The following CSF2RA variants were observed in gnomAD, a reference collection of about 807,000 sequenced individuals.
The protein encoded by CSF2RA is granulocyte-macrophage colony-stimulating factor receptor subunit alpha.
CSF2RA carries 42 observed loss-of-function variants against 51.6 expected under a neutral mutation model. The observed-to-expected ratio is 0.81, with a 90% CI of 0.64 to 1.05. The LOEUF (loss-of-function observed/expected upper bound fraction) is 1.05. Among genes scored for constraint, CSF2RA ranks in the 50% least tolerant of loss-of-function variants. The pLI, the probability that CSF2RA is intolerant of heterozygous loss-of-function variation, is 0.00. For synonymous variants in CSF2RA, 222 were observed against 193.0 expected, an observed-to-expected ratio of 1.15 and a Z score of -1.24; for missense variants, 530 against 501.1, an observed-to-expected ratio of 1.06 and a Z score of -0.55.
In CSF2RA at chrX:1,307,429, C is replaced by A. The variant is rs1177154131; in HGVS notation, c.1125+1902C>A. Among the ~76,000 whole-genome samples the A allele has an allele frequency of 3.9e-3, 572 of 147,318 alleles. 10 individuals carry two copies. Among genetic ancestry groups the A allele is most frequent in the African/African-American group, 0.014 (533 of 37,980 alleles). ...GACTGATCAGATGAAGCCCACCCTT[C>A]CCCTTTAGACCTTCAGCTTATTAGA... is the stretch of plus-strand genomic sequence containing the variant. On this transcript the variant is annotated intron_variant, in intron 12 of 12. Transcript: ENST00000381529.
chrX:1,306,067 G>A (rs1479922966), intron 12 of CSF2RA: 2 of 398,018 alleles, frequency 5.0e-6, no homozygotes, highest in African/African-American at 2.0e-5. Flanking sequence ...GGGTGACAGA[G>A]CGAGACTCCA....
At chrX:1,321,260 G>C in the CSF2RA span, among the ~76,000 whole-genome samples, 1 of 151,968 alleles carries the variant, frequency 6.6e-6, no homozygotes, top group Non-Finnish European at 1.5e-5. Context: ...ACGAGGTCAG[G>C]AGATCGAGAC....
intron 1 of CSF2RA, among the ~76,000 whole-genome samples, chrX:1,272,097 G>A (rs28504194): frequency 0.27 from 40,250 of 151,296 alleles, 6,418 homozygotes; most frequent in African/African-American, 0.46. Context: ...GGGATTACAG[G>A]CGTGTGCTAC....
In CSF2RA at chrX:1,294,312, T is replaced by C. The variant is rs1371517239; in HGVS notation, c.647-16T>C. On this transcript the variant is annotated splice_polypyrimidine_tract_variant and intron_variant, in intron 7 of 12. Transcript: ENST00000381529. ...ACCTCTCGGGTTCAGGGGTGTGTCCTGCGCCCTCGTTACAGAACGATTCAA... is the reference window on the plus strand; with the variant it reads ...ACCTCTCGGGTTCAGGGGTGTGTCCCGCGCCCTCGTTACAGAACGATTCAA... 6.2e-7 allele frequency: 1 copy of C among 1,612,682 alleles called. No individual in the cohort carries two copies. The highest frequency in any genetic ancestry group is 1.7e-5 in the Admixed American group (1 of 59,984).
intron 7 of CSF2RA, among the ~76,000 whole-genome samples, chrX:1,293,490 A>T (rs1436978499): frequency 6.6e-6 from 1 of 152,070 alleles, no homozygotes; most frequent in Non-Finnish European, 1.5e-5. Context: ...AAGTGCTGGG[A>T]TTACAGGCGT....
intron 11 of CSF2RA, 99 bp downstream of exon 11, chrX:1,304,118 C>G: frequency 1.8e-6 from 2 of 1,129,458 alleles, no homozygotes; most frequent in Non-Finnish European, 2.7e-6. Flanking sequence ...GAAAGAGAAA[C>G]ACAGCCTTGG....
chrX:1,293,375 C>T (rs74375166), intron 7 of CSF2RA, among the ~76,000 whole-genome samples: 16 of 151,622 alleles, frequency 1.1e-4, no homozygotes, highest in African/African-American at 2.9e-4. Flanking sequence ...CCCGCCACCA[C>T]GCCCGGCTAA....
chrX:1,306,462 C>G (rs2083576842), intron 12 of CSF2RA, among the ~76,000 whole-genome samples: 1 of 151,940 alleles, frequency 6.6e-6, no homozygotes, highest in South Asian at 2.1e-4. Context: ...GCCTGACCAA[C>G]CTGAAGAAAC....
chrX:1,284,190 T>TCC (rs2090364837), intron 3 of CSF2RA, among the ~76,000 whole-genome samples: 2 of 117,860 alleles, frequency 1.7e-5, no homozygotes, highest in African/African-American at 3.4e-5. Flanking sequence ...TCTTTCTCTG[T>TCC]CTCTCTTTTT....
At chrX:1,283,458 T>TTCCC (rs1265980807) in intron 3 of CSF2RA, among the ~76,000 whole-genome samples, 3 of 139,268 alleles carry the variant, frequency 2.2e-5, no homozygotes, top group East Asian at 2.6e-4. Flanking sequence ...CTTTCCTTCC[T>TTCCC]TCCCTCCCTC....
the CSF2RA span, among the ~76,000 whole-genome samples, chrX:1,319,196 A>G: frequency 0.03 from 4,464 of 149,476 alleles, 239 homozygotes; most frequent in African/African-American, 0.1. Flanking sequence ...GGGTTTCACC[A>G]TGTTGGCCAG....
At chrX:1,308,172 A>C (rs1332094915) in intron 12 of CSF2RA, among the ~76,000 whole-genome samples, 2 of 152,138 alleles carry the variant, frequency 1.3e-5, no homozygotes, top group African/African-American at 4.8e-5. Flanking sequence ...ACATCTACAA[A>C]GCCCCTTCGT....
the CSF2RA span, among the ~76,000 whole-genome samples, chrX:1,320,873 T>C: frequency 3.3e-5 from 5 of 151,436 alleles, 1 homozygote; most frequent in Non-Finnish European, 7.4e-5. Flanking sequence ...AGAGTCTCAC[T>C]CTGTCACCCA....
chrX:1,307,589 C>CT (rs2083743637), intron 12 of CSF2RA, among the ~76,000 whole-genome samples: 5 of 133,232 alleles, frequency 3.8e-5, no homozygotes, highest in Admixed American at 7.4e-5. Flanking sequence ...GCCCACCCTT[C>CT]CCCCTTCAGC....
intron 7 of CSF2RA, among the ~76,000 whole-genome samples, chrX:1,291,314 C>A (rs1339457973): frequency 6.8e-6 from 1 of 146,184 alleles, no homozygotes; most frequent in Non-Finnish European, 1.5e-5. Flanking sequence ...TCCCTCCCTC[C>A]TTTCCTTCCT....
intron 7 of CSF2RA, among the ~76,000 whole-genome samples, chrX:1,293,562 G>T (rs1293079265): frequency 6.6e-6 from 1 of 152,204 alleles, no homozygotes; most frequent in Non-Finnish European, 1.5e-5. Context: ...AGACAAAGAG[G>T]TGTCCCTACT....
At chrX:1,305,331 T>G (rs2083448544) in intron 11 of CSF2RA, 115 bp from the exon 12 acceptor site, 2 of 1,179,926 alleles carry the variant, frequency 1.7e-6, no homozygotes, top group Non-Finnish European at 2.5e-6. Flanking sequence ...TAGTGAAGTT[T>G]TGCATAGTTG....
chrX:1,313,555 C>G (rs1283231106), downstream of CSF2RA, among the ~76,000 whole-genome samples: 1 of 149,280 alleles, frequency 6.7e-6, no homozygotes, highest in Admixed American at 6.7e-5. Flanking sequence ...ACTAAAAATA[C>G]AAAAAAAAAA....
chrX:1,307,889 CTGAT>C (rs2083822747), intron 12 of CSF2RA, among the ~76,000 whole-genome samples: 1 of 141,318 alleles, frequency 7.1e-6, no homozygotes, highest in Non-Finnish European at 1.6e-5. Flanking sequence ...AGACCTTTGA[CTGAT>C]TAGATGAGAC....
Sources: allele counts gnomAD v4.1 joint callset (sites outside exome capture counted in the v4.1 genomes callset), GRCh38; gene constraint gnomAD v4.1.1; transcripts MANE v1.5; gene names NCBI Gene and HGNC (gene_info 2026-07-23, HGNC 2026-07-21).